The following IKBKB variants were observed in gnomAD, a reference collection of about 807,000 sequenced individuals.
IKBKB encodes the protein inhibitor of nuclear factor kappa-B kinase subunit beta.
In IKBKB, 42 loss-of-function variants were observed where a neutral mutation model predicts 113.6. The ratio of observed to expected loss-of-function variants is 0.37; its 90% confidence interval spans 0.29 to 0.48. The LOEUF (loss-of-function observed/expected upper bound fraction) is 0.48, where lower values mean the gene tolerates loss of function less well. Ranked by LOEUF, IKBKB falls within the 20% of genes least tolerant of loss-of-function variation. IKBKB has a pLI of 0.99. For synonymous variants in IKBKB, 296 were observed against 361.3 expected (o/e 0.82, Z 2.05); for missense variants, 673 against 939.7 (o/e 0.72, Z 3.71).
rs140887603 is a variant in IKBKB at position 42,273,419 on chromosome 8, A to AAT, written c.105+1233_105+1234dup. Reference sequence around the variant, plus strand: ...GACAGAATGAGACCCTGTCTCAAAAAATATATATATATATATATATTTAAA... The same window carrying AAT: ...GACAGAATGAGACCCTGTCTCAAAAAATATATATATATATATATATATTTAAA... On this transcript the variant is annotated intron_variant, in intron 2 of 21. Coordinates refer to ENST00000520810, the MANE Select transcript of IKBKB (RefSeq NM_001556.3). Among the ~76,000 whole-genome samples, 752 of 101,018 alleles carry AAT rather than the reference A, an allele frequency of 7.4e-3. 3 individuals are homozygous for AAT. The highest frequency in any genetic ancestry group is 0.014 in the African/African-American group (183 of 13,364). 66.3% of individuals were successfully genotyped at this position (101,018 alleles called of 152,430 possible). A position where few individuals can be genotyped will look rare whatever the true frequency, so the allele number is the denominator to read the frequency against.
At chr8:42,298,635 A>G (rs1002080929) in intron 5 of IKBKB, 1 of 274,826 alleles carries the variant, frequency 3.6e-6, no homozygotes, top group African/African-American at 2.3e-5. Flanking sequence ...AGTAACAATG[A>G]GAGAGAAGAC....
At chr8:42,283,920 T>G (rs1810854834) in intron 2 of IKBKB, among the ~76,000 whole-genome samples, 1 of 152,152 alleles carries the variant, frequency 6.6e-6, no homozygotes, top group Admixed American at 6.5e-5. Flanking sequence ...CATGGAAATG[T>G]TGCAGGGTGG....
intron 4 of IKBKB, among the ~76,000 whole-genome samples, chr8:42,290,959 C>T (rs375252657): frequency 2.0e-5 from 3 of 151,596 alleles, no homozygotes; most frequent in African/African-American, 4.9e-5. Context: ...ACACAGCCTG[C>T]TAGTACATGT....
intron 9 of IKBKB, 131 bp downstream of exon 9, chr8:42,314,560 A>T: frequency 1.5e-6 from 1 of 666,724 alleles, no homozygotes; most frequent in East Asian, 2.9e-5. Flanking sequence ...GGATCACCTG[A>T]GGTCAGGAGT....
intron 5 of IKBKB, chr8:42,297,962 C>A: frequency 6.0e-6 from 2 of 331,694 alleles, no homozygotes; most frequent in Non-Finnish European, 8.6e-6. Flanking sequence ...GCATCCTGGC[C>A]AGGACTCTTC....
chr8:42,284,869 T>C (rs2130227912), intron 2 of IKBKB, among the ~76,000 whole-genome samples: 1 of 147,100 alleles, frequency 6.8e-6, no homozygotes, highest in African/African-American at 2.5e-5. Flanking sequence ...TTTTTTTTTT[T>C]TTTTTGAGAC....
chr8:42,327,229 C>T lies in IKBKB; in HGVS notation c.2114+1132C>T, dbSNP rs540364544. On this transcript the variant is annotated intron_variant, in intron 20 of 21. Transcript: ENST00000520810. ...TTAATTTTCTCTTGGCTGTATGGCA[C>T]GCGCTTGTAATCCTAGCACTTTGGG... Among the ~76,000 whole-genome samples, 8 of 151,962 alleles carry T rather than the reference C, an allele frequency of 5.3e-5. No homozygotes were observed. In the East Asian group the frequency reaches 7.7e-4, roughly 15 times the overall value.
At chr8:42,290,096 T>G in intron 3 of IKBKB, 60 bp from the exon 4 acceptor site, 1 of 1,120,070 alleles carries the variant, frequency 8.9e-7, no homozygotes, top group Non-Finnish European at 1.4e-6. Context: ...CTGGTGGGGG[T>G]GGTGGGGATG....
At chr8:42,274,220 G>C (rs768967517) in intron 2 of IKBKB, among the ~76,000 whole-genome samples, 6 of 151,964 alleles carry the variant, frequency 3.9e-5, no homozygotes, top group African/African-American at 7.2e-5. Context: ...AGTAGAAATG[G>C]GGTTTCACCA....
chr8:42,327,632 CTTTT>C (rs746891907), intron 20 of IKBKB, among the ~76,000 whole-genome samples: 2 of 122,844 alleles, frequency 1.6e-5, no homozygotes, highest in African/African-American at 6.2e-5. Context: ...TGCACCCAGC[CTTTT>C]TTTTTTTTTT....
At chr8:42,292,367 C>T (rs1812812465) in intron 4 of IKBKB, among the ~76,000 whole-genome samples, 2 of 152,036 alleles carry the variant, frequency 1.3e-5, no homozygotes, top group Non-Finnish European at 2.9e-5. Context: ...ACTGGCCTGG[C>T]GTGGGTTGCA....
At chr8:42,294,430 C>T (rs1005365816) in intron 5 of IKBKB, among the ~76,000 whole-genome samples, 2 of 152,166 alleles carry the variant, frequency 1.3e-5, no homozygotes, top group African/African-American at 4.8e-5. Context: ...CAGATGTTAA[C>T]ATTCTCCCTC....
In IKBKB at chr8:42,328,598, C is replaced by T. The variant is rs188002093; in HGVS notation, c.2115-526C>T. On this transcript the variant is annotated intron_variant, in intron 20 of 21. Transcript: ENST00000520810. Reference sequence around the variant, plus strand: ...AGGTTAGAAAAAGACGGATGTTTTACTACATGCTGCTCTTTTTCACTGTGG... The same window carrying T: ...AGGTTAGAAAAAGACGGATGTTTTATTACATGCTGCTCTTTTTCACTGTGG... Among the ~76,000 whole-genome samples, 18 of 152,318 alleles carry T rather than the reference C, an allele frequency of 1.2e-4. No individual in the cohort carries two copies. In the East Asian group the frequency reaches 3.5e-3, roughly 29 times the overall value.
chr8:42,293,364 T>C (rs1055259417), intron 4 of IKBKB, 79 bp from the exon 5 acceptor site: 6 of 1,582,370 alleles, frequency 3.8e-6, no homozygotes, highest in Non-Finnish European at 2.6e-6. Flanking sequence ...TCTGGTCACA[T>C]GGGCTGGTAA....
intron 5 of IKBKB, 55 bp from the exon 6 acceptor site, chr8:42,305,132 C>G (rs1385318956): frequency 8.7e-7 from 1 of 1,151,464 alleles, no homozygotes; most frequent in Non-Finnish European, 1.3e-6. Context: ...ATAGGAGATT[C>G]TGTCATGAAA....
chr8:42,310,714 A>G (rs779001872), intron 8 of IKBKB, among the ~76,000 whole-genome samples: 1 of 152,248 alleles, frequency 6.6e-6, no homozygotes, highest in Non-Finnish European at 1.5e-5. Context: ...CTGTCATCCC[A>G]TAATTGGAAA....
At chr8:42,319,991 T>C (rs1819462127) in intron 15 of IKBKB, 1 of 238,530 alleles carries the variant, frequency 4.2e-6, no homozygotes, top group African/African-American at 2.3e-5. Context: ...TTTTGACTAA[T>C]TTTGTTGGGA....
intron 5 of IKBKB, 76 bp downstream of exon 5, chr8:42,293,588 T>G: frequency 6.2e-7 from 1 of 1,611,678 alleles, no homozygotes. Flanking sequence ...TGCGGAGCCC[T>G]GCAGGCAGAC....
intron 2 of IKBKB, among the ~76,000 whole-genome samples, chr8:42,272,830 C>T (rs1470390595): frequency 1.3e-5 from 2 of 148,746 alleles, no homozygotes; most frequent in Non-Finnish European, 3.0e-5. Context: ...TCCCCAGCTA[C>T]TTGGGAGGCT....
Sources: gnomAD v4.1 joint callset for allele counts (sites outside exome capture counted in the v4.1 genomes callset) on GRCh38, gnomAD v4.1.1 for gene constraint, MANE v1.5 for transcripts, NCBI Gene and HGNC (gene_info 2026-07-23, HGNC 2026-07-21) for gene names.